The following GLRA1 variants were observed in gnomAD, a reference collection of about 807,000 sequenced individuals.
The protein encoded by GLRA1 is glycine receptor subunit alpha-1.
Under a neutral mutation model 48.3 loss-of-function variants are expected in GLRA1, and 37 were observed. That is an observed-to-expected ratio of 0.77 (90% CI 0.59 to 1.01). The LOEUF is 1.01. GLRA1 is among the 50% of genes least tolerant of loss of function. The pLI is 0.00. For missense variants in GLRA1, 427 were observed against 571.0 expected (o/e 0.75, Z 2.57); for synonymous variants, 196 against 210.7 (o/e 0.93, Z 0.60).
At position 151,915,852 on chromosome 5, in the gene GLRA1, C is replaced by T. The variant is rs555994400; in HGVS notation, c.56+8642G>A. Among the ~76,000 whole-genome samples the T allele has an allele frequency of 1.8e-3, 272 of 152,188 alleles. 2 individuals carry two copies. The highest frequency in any genetic ancestry group is 6.4e-3 in the African/African-American group (265 of 41,534). The stretch of plus-strand genomic sequence containing the variant: ...TCCTTAAAGAGGTAATGTATGCAGA[C>T]ATTGTGCAGTTAAACGTGATCAAGG... On this transcript the variant is annotated intron_variant, in intron 1 of 8. Coordinates refer to ENST00000274576, the MANE Select transcript of GLRA1 (RefSeq NM_000171.4).
chr5:151,850,692 G>A lies in GLRA1; in HGVS notation c.912+698C>T, dbSNP rs6896784. 1.3e-5 allele frequency: 16 copies of A among 1,209,004 alleles called. 1 individual carries two copies. Among genetic ancestry groups the A allele is most frequent in the African/African-American group, 7.4e-5 (5 of 67,236 alleles). 74.9% of individuals were successfully genotyped at this position (1,209,004 alleles called of 1,614,324 possible). ...GAGAAGAAGGGTTACTTTGAAGACTGTTGCCCCTCTGCCACTGCGAACCCT... is the reference window on the plus strand; with the variant it reads ...GAGAAGAAGGGTTACTTTGAAGACTATTGCCCCTCTGCCACTGCGAACCCT... On this transcript the variant is annotated intron_variant, in intron 7 of 8. Transcript: ENST00000274576.
rs113594626 is a variant in GLRA1, at chr5:151,827,750, G to A, written c.1059+1171C>T. 5.6e-3 allele frequency among the ~76,000 whole-genome samples: 850 copies of A among 152,220 alleles called. 9 individuals are homozygous for A. Among genetic ancestry groups the A allele is most frequent in the African/African-American group, 0.019 (802 of 41,532 alleles). ...TAAAGCTTGTAGGACCTGGCATATT[G>A]CAGGTATGTACTGTGACCTGCAACA... is the stretch of plus-strand genomic sequence containing the variant. On this transcript the variant is annotated intron_variant, in intron 8 of 8. Transcript: ENST00000274576.
chr5:151,849,163 T>TTTTCTTTTCTTTTCTTTC, intron 7 of GLRA1: 1 of 111,020 alleles, frequency 9.0e-6, no homozygotes, highest in African/African-American at 6.5e-5. Flanking sequence ...TTTTCTTTTC[T>TTTTCTTTTCTTTTCTTTC]TTTCTTTCTT....
chr5:151,871,710 G>A (rs957958716), intron 3 of GLRA1, among the ~76,000 whole-genome samples: 3 of 149,080 alleles, frequency 2.0e-5, no homozygotes, highest in Non-Finnish European at 4.4e-5. Flanking sequence ...ACAGGCGCCC[G>A]CCACCACGCC....
At chr5:151,900,336 G>A (rs1754332886) in intron 1 of GLRA1, among the ~76,000 whole-genome samples, 1 of 152,194 alleles carries the variant, frequency 6.6e-6, no homozygotes, top group African/African-American at 2.4e-5. Flanking sequence ...GGTCTACAGG[G>A]TGGGATTTCC....
chr5:151,905,257 C>A (rs1374519736), intron 1 of GLRA1, among the ~76,000 whole-genome samples: 1 of 152,004 alleles, frequency 6.6e-6, no homozygotes, highest in Non-Finnish European at 1.5e-5. Flanking sequence ...CTAGAAAACC[C>A]ATTATCTAGA....
chr5:151,847,752 A>G (rs981446404), intron 7 of GLRA1, among the ~76,000 whole-genome samples: 5 of 152,040 alleles, frequency 3.3e-5, no homozygotes, highest in Admixed American at 6.5e-5. Flanking sequence ...TGAATTAAGC[A>G]GAATGCAAGA....
chr5:151,859,914 G>A lies in GLRA1; in HGVS notation c.347C>T (p.Ser116Phe), dbSNP rs775032574. ...YPDDSLDLDP[S>F]MLDSIWKPDL... ...AGGTTTCCAGATGGAGTCCAGCATG[G>A]ATGGGTCCAGGTCCAGAGAGTCGTC... The change falls in exon 4 of 9, where the codon TCC becomes TTC. Residue 116 changes from serine (S) to phenylalanine (F), a missense_variant. By Grantham distance (155) the Ser-to-Phe change is radical. Coordinates refer to ENST00000274576, the MANE Select transcript of GLRA1 (RefSeq NM_000171.4). 6.2e-7 allele frequency: 1 copy of A among 1,613,864 alleles called. No homozygotes were observed. Among genetic ancestry groups the A allele is most frequent in the Non-Finnish European group, 8.5e-7 (1 of 1,179,882 alleles).
At chr5:151,871,489 G>A (rs955102818) in intron 3 of GLRA1, among the ~76,000 whole-genome samples, 2 of 147,812 alleles carry the variant, frequency 1.4e-5, no homozygotes, top group Non-Finnish European at 3.0e-5. Flanking sequence ...ATAAAATATT[G>A]TAAAGATGTA....
intron 6 of GLRA1, among the ~76,000 whole-genome samples, chr5:151,853,900 CAT>C (rs1164767514): frequency 6.6e-6 from 1 of 152,112 alleles, no homozygotes; most frequent in Non-Finnish European, 1.5e-5. Flanking sequence ...GACACACACA[CAT>C]ACACACACAC....
chr5:151,893,730 G>A (rs1280769515), intron 1 of GLRA1, among the ~76,000 whole-genome samples: 2 of 152,068 alleles, frequency 1.3e-5, no homozygotes, highest in African/African-American at 4.8e-5. Flanking sequence ...TGGTGTATAT[G>A]TGCCACATTT....
chr5:151,921,977 G>A (rs1754886641), intron 1 of GLRA1, among the ~76,000 whole-genome samples: 1 of 152,140 alleles, frequency 6.6e-6, no homozygotes, highest in South Asian at 2.1e-4. Context: ...GGTACCATAT[G>A]GGATTTCCGC....
chr5:151,832,203 C>T (rs1763443611), intron 7 of GLRA1, among the ~76,000 whole-genome samples: 1 of 152,186 alleles, frequency 6.6e-6, no homozygotes, highest in African/African-American at 2.4e-5. Flanking sequence ...AAAGCCAGCA[C>T]AAAAAGGCTG....
intron 1 of GLRA1, among the ~76,000 whole-genome samples, chr5:151,924,284 C>T (rs937330885): frequency 6.7e-6 from 1 of 149,196 alleles, no homozygotes; most frequent in Non-Finnish European, 1.5e-5. Context: ...CTCAGACCTC[C>T]ACGCACAAGC....
chr5:151,834,178 C>T (rs1763501886), intron 7 of GLRA1, among the ~76,000 whole-genome samples: 1 of 152,216 alleles, frequency 6.6e-6, no homozygotes, highest in Non-Finnish European at 1.5e-5. Context: ...ATACCTTCTT[C>T]TCAGCAACAC....
intron 1 of GLRA1, among the ~76,000 whole-genome samples, chr5:151,920,210 A>G (rs1249055354): frequency 1.2e-4 from 19 of 152,192 alleles, no homozygotes; most frequent in Admixed American, 1.2e-3. Flanking sequence ...CCTGCCTTTG[A>G]TGAAGATCTT....
intron 8 of GLRA1, among the ~76,000 whole-genome samples, chr5:151,828,614 T>TAA (rs1763337519): frequency 2.0e-5 from 3 of 152,190 alleles, no homozygotes; most frequent in Non-Finnish European, 2.9e-5. Flanking sequence ...CCCAATCTTT[T>TAA]AGGTTTATAG....
rs752407825 is a variant in GLRA1 at position 151,822,881 on chromosome 5, G to A, written c.1142C>T (p.Ser381Leu). The change falls in exon 9 of 9, where the codon TCA becomes TTA. Residue 381 changes from serine to leucine, a missense_variant. Around this residue, in one of 4 missense-constraint regions of GLRA1, gnomAD observed 121 missense variants for 96.5 expected, o/e 1.25. Transcript: ENST00000274576. Reference protein sequence around the residue: ...PACLQAKDGISVKGANNSNTT... With the variant: ...PACLQAKDGILVKGANNSNTT... ...GTTACTGTTGTTGGCGCCCTTGACT[G>A]AGATGCCATCCTTGGCCTGTAGACA... is the stretch of plus-strand genomic sequence containing the variant. The A allele has an allele frequency of 1.2e-6, 2 of 1,614,050 alleles. No individual in the cohort carries two copies. Among genetic ancestry groups the A allele is most frequent in the Non-Finnish European group, 1.7e-6 (2 of 1,179,944 alleles).
chr5:151,845,181 A>ACCT (rs2113325771), intron 7 of GLRA1, among the ~76,000 whole-genome samples: 1 of 152,304 alleles, frequency 6.6e-6, no homozygotes, highest in South Asian at 2.1e-4. Flanking sequence ...TTCATGAGGA[A>ACCT]TCCACTCCTA....
Sources: gnomAD v4.1 joint callset for allele counts (sites outside exome capture counted in the v4.1 genomes callset) on GRCh38, gnomAD v4.1.1 for gene constraint, gnomAD v4.1.1 regional missense constraint, MANE v1.5 for transcripts, NCBI Gene and HGNC (gene_info 2026-07-23, HGNC 2026-07-21) for gene names.